ZNF292: variants seen among roughly 807,000 people sequenced by gnomAD.
ZNF292 encodes the protein 16 zinc-finger domain protein.
A neutral mutation model predicts 217.9 loss-of-function variants in ZNF292; 26 were observed. The observed-to-expected ratio is 0.12, with a 90% CI of 0.09 to 0.17. The LOEUF is 0.17. ZNF292 is among the 10% of genes least tolerant of loss of function. The pLI is 1.00. For missense variants in ZNF292, 2,904 were observed against 3,175.2 expected, an observed-to-expected ratio of 0.91 and a Z score of 2.05; for synonymous variants, 1,257 against 1,124.1, an observed-to-expected ratio of 1.12 and a Z score of -2.37.
At chr6:87,189,076 G>T (rs1771748630) in intron 1 of ZNF292, among the ~76,000 whole-genome samples, 1 of 151,958 alleles carries the variant, frequency 6.6e-6, no homozygotes, top group South Asian at 2.1e-4. Context: ...AAGGTGGCGA[G>T]CGCCTGTAAT....
At chr6:87,169,718 C>A in intron 1 of ZNF292, 1 of 444,644 alleles carries the variant, frequency 2.2e-6, no homozygotes, top group Non-Finnish European at 4.5e-6. Context: ...GCCATCAGAG[C>A]TCACTTCAGC....
intron 1 of ZNF292, among the ~76,000 whole-genome samples, chr6:87,206,502 GC>G (rs375203247): frequency 6.6e-6 from 1 of 151,138 alleles, no homozygotes; most frequent in Non-Finnish European, 1.5e-5. Flanking sequence ...TTATGACATT[GC>G]CCCCCTTATA....
At chr6:87,176,437 G>A (rs543322305) in intron 1 of ZNF292, among the ~76,000 whole-genome samples, 82 of 152,280 alleles carry the variant, frequency 5.4e-4, no homozygotes, top group African/African-American at 2.0e-3. Context: ...AGGGAATAGC[G>A]AGGGCACCTC....
Position 87,155,732 on chromosome 6 carries a change from C to A in ZNF292, c.141C>A (p.Ala47=). ...GCCGGGTACCGGCCGTGGAAGCGGC[C>A]ACCGACTACTGTCAGCAGCTGTGCC... is the stretch of plus-strand genomic sequence containing the variant. The part of the protein sequence containing the change: ...RESRVPAVEA[A]TDYCQQLCQT... Residue 47 remains alanine (A), a synonymous_variant, in exon 1 of 8, where the codon GCC becomes GCA. Coordinates refer to ENST00000369577, the MANE Select transcript of ZNF292 (RefSeq NM_015021.3). 6.3e-7 allele frequency: 1 copy of A among 1,599,952 alleles called. No homozygotes were observed. Among genetic ancestry groups the A allele is most frequent in the East Asian group, 2.3e-5 (1 of 44,444 alleles).
intron 4 of ZNF292, among the ~76,000 whole-genome samples, chr6:87,231,016 C>T (rs921708493): frequency 3.3e-5 from 5 of 151,988 alleles, no homozygotes; most frequent in Non-Finnish European, 5.9e-5. Flanking sequence ...TACGTCTAAG[C>T]TACTCAAAGA....
intron 1 of ZNF292, among the ~76,000 whole-genome samples, chr6:87,179,731 C>T (rs908263663): frequency 6.6e-6 from 1 of 152,052 alleles, no homozygotes; most frequent in Non-Finnish European, 1.5e-5. Flanking sequence ...CTTCAGTGTA[C>T]ATCCTCTGTT....
At chr6:87,213,562 C>T (rs888288890) in intron 1 of ZNF292, among the ~76,000 whole-genome samples, 3 of 151,962 alleles carry the variant, frequency 2.0e-5, no homozygotes, top group South Asian at 2.1e-4. Flanking sequence ...AGTAGTTTGG[C>T]GGGAAGGATG....
chr6:87,244,200 T>C (rs1229703364), intron 6 of ZNF292, among the ~76,000 whole-genome samples: 1 of 152,106 alleles, frequency 6.6e-6, no homozygotes, highest in African/African-American at 2.4e-5. Context: ...AGCATACAAA[T>C]GAATAATAGA....
chr6:87,223,274 G>A (rs1773184807), intron 4 of ZNF292: 1 of 153,272 alleles, frequency 6.5e-6, no homozygotes, highest in Non-Finnish European at 1.5e-5. Context: ...TGGTAGAGAT[G>A]GGGTTTCACC....
intron 1 of ZNF292, among the ~76,000 whole-genome samples, chr6:87,199,765 C>G (rs1256311914): frequency 6.6e-6 from 1 of 152,118 alleles, no homozygotes; most frequent in Non-Finnish European, 1.5e-5. Flanking sequence ...ATTTCTTTTT[C>G]ATCAAAAAGT....
intron 1 of ZNF292, among the ~76,000 whole-genome samples, chr6:87,181,933 C>G (rs1771485318): frequency 6.6e-6 from 1 of 152,156 alleles, no homozygotes; most frequent in African/African-American, 2.4e-5. Flanking sequence ...ATCCGCCCAT[C>G]TCGGCCTCCC....
intron 1 of ZNF292, among the ~76,000 whole-genome samples, chr6:87,209,412 C>A (rs547397631): frequency 1.6e-4 from 25 of 152,288 alleles, no homozygotes; most frequent in African/African-American, 6.0e-4. Context: ...TGTGTCCAGT[C>A]TACCATTTCT....
At chr6:87,186,363 G>A (rs968671367) in intron 1 of ZNF292, among the ~76,000 whole-genome samples, 3 of 152,112 alleles carry the variant, frequency 2.0e-5, no homozygotes, top group South Asian at 2.1e-4. Context: ...GTTTTGTTTT[G>A]GGAATGCCTT....
At chr6:87,177,088 G>A (rs188101908) in intron 1 of ZNF292, among the ~76,000 whole-genome samples, 2,887 of 152,216 alleles carry the variant, frequency 0.019, 39 homozygotes, top group Non-Finnish European at 0.029. Flanking sequence ...AGCACTTTGG[G>A]AGGCCGAGGT....
At chr6:87,245,770 ATTTTCTTG>A (rs2127843432) in intron 7 of ZNF292, 126 bp downstream of exon 7, 2 of 608,668 alleles carry the variant, frequency 3.3e-6, no homozygotes, top group Admixed American at 7.5e-5. Context: ...TCCTTTGAAC[ATTTTCTTG>A]TTAGTCCTTT....
intron 1 of ZNF292, among the ~76,000 whole-genome samples, chr6:87,191,863 TG>T (rs1269658317): frequency 1.3e-5 from 2 of 152,154 alleles, no homozygotes; most frequent in Non-Finnish European, 2.9e-5. Flanking sequence ...AGTTTCACCA[TG>T]TTGGCCAGGC....
At chr6:87,186,085 G>C (rs78125801) in intron 1 of ZNF292, among the ~76,000 whole-genome samples, 2,890 of 152,274 alleles carry the variant, frequency 0.019, 99 homozygotes, top group African/African-American at 0.067. Context: ...TGGGGGGACA[G>C]GTGGGGATAA....
intron 1 of ZNF292, among the ~76,000 whole-genome samples, chr6:87,179,213 G>C (rs1421025802): frequency 1.4e-5 from 2 of 144,740 alleles, no homozygotes; most frequent in African/African-American, 5.1e-5. Context: ...GGGCTGGAGT[G>C]CACTGGCTTG....
chr6:87,225,086 T>C (rs1421280851), intron 4 of ZNF292, among the ~76,000 whole-genome samples: 5 of 152,340 alleles, frequency 3.3e-5, no homozygotes, highest in South Asian at 2.1e-4. Flanking sequence ...CACATTGTTA[T>C]TTTAATTTGC....
Sources: allele counts gnomAD v4.1 joint callset (sites outside exome capture counted in the v4.1 genomes callset), GRCh38; gene constraint gnomAD v4.1.1; transcripts MANE v1.5; gene names NCBI Gene and HGNC (gene_info 2026-07-23, HGNC 2026-07-21).